The following CETN3 variants were observed in gnomAD, a reference collection of about 807,000 sequenced individuals.
CETN3 encodes the protein centrin 3.
In CETN3, 17 loss-of-function variants were observed where a neutral mutation model predicts 20.1. That is an observed-to-expected ratio of 0.85 (90% confidence interval 0.58 to 1.27). The LOEUF (loss-of-function observed/expected upper bound fraction) is 1.27. CETN3 is among the 50% of genes most tolerant of loss of function. CETN3 has a pLI of 0.00. For missense variants in CETN3, 169 were observed against 191.2 expected (o/e 0.88, Z 0.69); for synonymous variants, 52 against 59.7 (o/e 0.87, Z 0.59).
At chr5:90,407,653 C>T in intron 2 of CETN3, 46 bp downstream of exon 2, 2 of 1,275,566 alleles carry the variant, frequency 1.6e-6, no homozygotes, top group Non-Finnish European at 2.1e-6. Context: ...TGTAAAAATG[C>T]AAATCATTTT....
chr5:90,396,470 T>TA lies in CETN3; in HGVS notation c.461-2364dup, dbSNP rs1471319535. The TA allele has an allele frequency of 5.2e-6, 8 of 1,525,140 alleles. No individual in the cohort carries two copies. In the East Asian group the frequency reaches 2.0e-4, roughly 37 times the overall value. 94.5% of individuals were successfully genotyped at this position (1,525,140 alleles called of 1,614,324 possible). ...ATACAGTTCAAATATATAAAATTATTAATCAGTTTAGCCAGTGTGCACCTT... is the reference window on the plus strand; with the variant it reads ...ATACAGTTCAAATATATAAAATTATTAAATCAGTTTAGCCAGTGTGCACCTT... On this transcript the variant is annotated intron_variant, in intron 4 of 4. Transcript: ENST00000283122.
intron 3 of CETN3, among the ~76,000 whole-genome samples, chr5:90,405,056 A>G (rs1446328903): frequency 6.6e-6 from 1 of 152,208 alleles, no homozygotes; most frequent in Non-Finnish European, 1.5e-5. Flanking sequence ...TATTAAGCCT[A>G]TGACACATTA....
chr5:90,394,091 G>T lies in CETN3; in HGVS notation c.477C>A (p.Phe159Leu). Reference protein sequence around the residue: ...DGDGEINQEEFIAIMTGDI With the variant: ...DGDGEINQEELIAIMTGDI ...AAATGTCACCAGTCATAATAGCAAT[G>T]AACTCCTCTTGGTTTACTGTGGTAA... The change falls in exon 5 of 5, where the codon TTC becomes TTA. Residue 159 changes from phenylalanine (F) to leucine (L), a missense_variant. Physicochemically the swap from Phe to Leu is conservative, Grantham distance 22. Transcript: ENST00000283122. 1 of 1,554,006 alleles carries T rather than the reference G, an allele frequency of 6.4e-7. No homozygotes were observed. Among genetic ancestry groups the T allele is most frequent in the South Asian group, 1.2e-5 (1 of 86,928 alleles).
chr5:90,398,198 C>T (rs1399010001), intron 4 of CETN3, among the ~76,000 whole-genome samples: 1 of 151,864 alleles, frequency 6.6e-6, no homozygotes, highest in African/African-American at 2.4e-5. Context: ...TTTCATTGCT[C>T]TTAGATACTG....
At chr5:90,398,911 A>T (rs1749207390) in intron 4 of CETN3, 1 of 232,202 alleles carries the variant, frequency 4.3e-6, no homozygotes, top group Non-Finnish European at 8.5e-6. Flanking sequence ...ACCAGTCAAC[A>T]CGCAGGACAC....
chr5:90,399,625 A>T, intron 3 of CETN3, 76 bp from the exon 4 acceptor site: 1 of 1,135,098 alleles, frequency 8.8e-7, no homozygotes, highest in Non-Finnish European at 1.3e-6. Flanking sequence ...TCAACTAAAT[A>T]TTAGATGAGA....
At chr5:90,406,577 A>G (rs545189847) in intron 2 of CETN3, among the ~76,000 whole-genome samples, 6 of 152,032 alleles carry the variant, frequency 3.9e-5, no homozygotes, top group African/African-American at 1.2e-4. Context: ...GTTGGTGGCA[A>G]AAGTGTAGAG....
At chr5:90,399,844 T>A (rs950793157) in intron 3 of CETN3, among the ~76,000 whole-genome samples, 6 of 152,214 alleles carry the variant, frequency 3.9e-5, no homozygotes, top group African/African-American at 1.4e-4. Flanking sequence ...ACCATATTTA[T>A]TTAAGATCTA....
intron 3 of CETN3, among the ~76,000 whole-genome samples, chr5:90,400,712 T>C (rs1190008434): frequency 6.6e-6 from 1 of 152,240 alleles, no homozygotes; most frequent in South Asian, 2.1e-4. Context: ...TTCACCCGTA[T>C]TTGGTTCAAT....
At chr5:90,404,433 G>C (rs555057406) in intron 3 of CETN3, among the ~76,000 whole-genome samples, 8 of 152,200 alleles carry the variant, frequency 5.3e-5, no homozygotes, top group African/African-American at 1.7e-4. Flanking sequence ...GGAATACTAC[G>C]ATCATAAACT....
Position 90,394,125 on chromosome 5 carries a change from A to G in CETN3, c.461-18T>C. Reference sequence around the variant, plus strand: ...TTGGTTTACTGTGGTAAGAAAGAAAATGAAATAGTCAGAAATATAAACATT... The same window carrying G: ...TTGGTTTACTGTGGTAAGAAAGAAAGTGAAATAGTCAGAAATATAAACATT... On this transcript the variant is annotated intron_variant, in intron 4 of 4. Transcript: ENST00000283122. The G allele has an allele frequency of 6.7e-7, 1 of 1,488,374 alleles. No individual in the cohort carries two copies. Among genetic ancestry groups the G allele is most frequent in the Non-Finnish European group, 9.3e-7 (1 of 1,080,480 alleles). 92.2% of individuals were successfully genotyped at this position (1,488,374 alleles called of 1,614,324 possible). A position where few individuals can be genotyped will look rare whatever the true frequency, so the allele number is the denominator to read the frequency against.
chr5:90,405,203 G>A (rs1749403541), intron 3 of CETN3, among the ~76,000 whole-genome samples: 1 of 151,992 alleles, frequency 6.6e-6, no homozygotes, highest in Admixed American at 6.6e-5. Context: ...CATAAACTTT[G>A]TCAACCTGAA....
chr5:90,405,708 G>A lies in CETN3; in HGVS notation c.245C>T (p.Thr82Ile), dbSNP rs780668490. 3 of 1,606,860 alleles carry A rather than the reference G, an allele frequency of 1.9e-6. No homozygotes were observed. The highest frequency in any genetic ancestry group is 1.7e-5 in the Admixed American group (1 of 59,968). The change falls in exon 3 of 5, where the codon ACC (threonine) becomes ATC (isoleucine). Residue 82 changes from threonine to isoleucine, a missense_variant. By Grantham distance (89) the Thr-to-Ile change is moderately conservative. Coordinates refer to ENST00000283122, the MANE Select transcript of CETN3 (RefSeq NM_004365.4). ...ACCAACTTCATTAAAATCTTCAAAG[G>A]TGATTTTCCCTGTGGCTTCTCTGTC... ...DYDREATGKI[T>I]FEDFNEVVTD...
chr5:90,393,186 TCA>T lies in CETN3; in HGVS notation c.*876_*877del, dbSNP rs1339549690. On this transcript the variant is annotated 3_prime_UTR_variant, in exon 5 of 5. Transcript: ENST00000283122. ...TGTGTCTCTACTATTTCCTGGTGAATCACAGACTGTTCCTTCATATAGGTAAA... is the reference window on the plus strand; with the variant it reads ...TGTGTCTCTACTATTTCCTGGTGAATCAGACTGTTCCTTCATATAGGTAAA... The T allele has an allele frequency of 1.3e-5, 2 of 152,200 alleles. No homozygotes were observed. Among genetic ancestry groups the T allele is most frequent in the East Asian group, 3.9e-4 (2 of 5,194 alleles). The allele number at this position is 152,200 out of a possible 1,614,324, so 9.4% of individuals were successfully genotyped here.
intron 3 of CETN3, among the ~76,000 whole-genome samples, chr5:90,400,499 T>A (rs943955370): frequency 6.6e-6 from 1 of 151,410 alleles, no homozygotes; most frequent in Non-Finnish European, 1.5e-5. Flanking sequence ...AGTAATTATA[T>A]ACACTATCTG....
At chr5:90,408,798 T>G (rs889122602) in intron 1 of CETN3, among the ~76,000 whole-genome samples, 2 of 68,052 alleles carry the variant, frequency 2.9e-5, no homozygotes, top group Non-Finnish European at 5.3e-5. Flanking sequence ...CTCTGAAAGC[T>G]CCAAAAAAAA....
Position 90,402,227 on chromosome 5 carries a change from G to C in CETN3, c.269-2678C>G, listed in dbSNP as rs141190622. ...AAAAAAATAGTATTTTCTGTCTGCA[G>C]TCTCTCTTCCTTCCAACTCATCATC... is the stretch of plus-strand genomic sequence containing the variant. On this transcript the variant is annotated intron_variant, in intron 3 of 4. Coordinates refer to ENST00000283122, the MANE Select transcript of CETN3 (RefSeq NM_004365.4). Among the ~76,000 whole-genome samples, 1,504 of 152,226 alleles carry C rather than the reference G, an allele frequency of 9.9e-3. 26 individuals are homozygous for C. Among genetic ancestry groups the C allele is most frequent in the African/African-American group, 0.035 (1,435 of 41,510 alleles).
At chr5:90,397,405 T>C (rs971946946) in intron 4 of CETN3, among the ~76,000 whole-genome samples, 1 of 152,130 alleles carries the variant, frequency 6.6e-6, no homozygotes, top group East Asian at 1.9e-4. Flanking sequence ...CAAGAAAATA[T>C]GACACTTTGT....
intron 1 of CETN3, 91 bp from the exon 2 acceptor site, chr5:90,407,925 G>T: frequency 8.9e-7 from 1 of 1,122,442 alleles, no homozygotes; most frequent in South Asian, 2.2e-5. Flanking sequence ...TTTCAAAAAA[G>T]AAAGTACTTT....
Sources: allele counts gnomAD v4.1 joint callset (sites outside exome capture counted in the v4.1 genomes callset), GRCh38; gene constraint gnomAD v4.1.1; transcripts MANE v1.5; gene names NCBI Gene and HGNC (gene_info 2026-07-23, HGNC 2026-07-21).